Variants in VEPH1 observed in about 807,000 individuals in gnomAD.
VEPH1 encodes ventricular zone expressed PH domain containing 1, also known as ventricular zone-expressed PH domain-containing protein homolog 1.
In VEPH1, 80 loss-of-function variants were observed where a neutral mutation model predicts 85.2. The observed-to-expected ratio is 0.94, with a 90% CI of 0.78 to 1.13. The LOEUF is 1.13. Ranked by LOEUF, VEPH1 falls within the 50% of genes most tolerant of loss-of-function variation. VEPH1 has a pLI of 0.00. For missense variants in VEPH1, 955 were observed against 980.5 expected, an observed-to-expected ratio of 0.97 and a Z score of 0.35; for synonymous variants, 297 against 348.0, an observed-to-expected ratio of 0.85 and a Z score of 1.63.
In VEPH1 at chr3:157,417,925, C is replaced by T. The variant is rs151259510; in HGVS notation, c.697-3835G>A. On this transcript the variant is annotated intron_variant, in intron 5 of 13. Transcript: ENST00000362010. Reference sequence around the variant, plus strand: ...ACAGGGAGAGATGTCTCTCAGCCCCCATTCCTTGCCCCATCCCTTCTCTTC... The same window carrying T: ...ACAGGGAGAGATGTCTCTCAGCCCCTATTCCTTGCCCCATCCCTTCTCTTC... Among the ~76,000 whole-genome samples the T allele has an allele frequency of 1.7e-3, 254 of 152,276 alleles. 1 individual carries two copies. Among genetic ancestry groups the T allele is most frequent in the African/African-American group, 5.7e-3 (238 of 41,546 alleles).
At chr3:157,388,589 T>A (rs1055579523) in intron 6 of VEPH1, among the ~76,000 whole-genome samples, 2 of 152,108 alleles carry the variant, frequency 1.3e-5, no homozygotes, top group African/African-American at 4.8e-5. Flanking sequence ...ATATTGCAGG[T>A]GAATATGATG....
intron 9 of VEPH1, among the ~76,000 whole-genome samples, chr3:157,317,711 T>G (rs1720891930): frequency 6.6e-6 from 1 of 152,194 alleles, no homozygotes; most frequent in Admixed American, 6.5e-5. Flanking sequence ...CATCTCGCCT[T>G]GAAGGATTTC....
chr3:157,324,925 A>T (rs1721733809), intron 9 of VEPH1, among the ~76,000 whole-genome samples: 1 of 152,144 alleles, frequency 6.6e-6, no homozygotes, highest in African/African-American at 2.4e-5. Context: ...TGTCTTCCAC[A>T]ATGGGTGAAT....
At chr3:157,343,389 C>G (rs902427434) in intron 9 of VEPH1, among the ~76,000 whole-genome samples, 1 of 152,176 alleles carries the variant, frequency 6.6e-6, no homozygotes, top group African/African-American at 2.4e-5. Flanking sequence ...TCAGAGAATA[C>G]TATAAACACC....
chr3:157,332,081 C>T (rs926112926), intron 9 of VEPH1, among the ~76,000 whole-genome samples: 7 of 152,188 alleles, frequency 4.6e-5, no homozygotes, highest in Admixed American at 1.3e-4. Context: ...ATGGTGCTTG[C>T]GGCTACTGCT....
chr3:157,368,111 T>G (rs1235724539), intron 7 of VEPH1, among the ~76,000 whole-genome samples: 2 of 152,214 alleles, frequency 1.3e-5, no homozygotes, highest in Non-Finnish European at 2.9e-5. Flanking sequence ...CTCACGGGGT[T>G]GGTAGAATGA....
intron 6 of VEPH1, among the ~76,000 whole-genome samples, chr3:157,396,885 G>A (rs1464434560): frequency 6.6e-6 from 1 of 152,056 alleles, no homozygotes. Flanking sequence ...CTCCCATTCT[G>A]TAGATTATCT....
chr3:157,439,202 A>G (rs761342593), intron 4 of VEPH1, among the ~76,000 whole-genome samples: 1 of 152,212 alleles, frequency 6.6e-6, no homozygotes, highest in Non-Finnish European at 1.5e-5. Context: ...TGTTTCGCAA[A>G]CCACGTAAAG....
At chr3:157,482,969 T>C (rs555214112) in intron 2 of VEPH1, among the ~76,000 whole-genome samples, 5 of 152,308 alleles carry the variant, frequency 3.3e-5, no homozygotes, top group East Asian at 1.9e-4. Context: ...AACATTTTCA[T>C]GTGTGGTTGA....
intron 2 of VEPH1, among the ~76,000 whole-genome samples, chr3:157,478,636 A>G (rs571000010): frequency 6.0e-4 from 92 of 152,236 alleles, no homozygotes; most frequent in Admixed American, 5.1e-3. Flanking sequence ...GAATTTTGAA[A>G]GGGGCCTTTC....
chr3:157,367,922 A>G (rs998475834), intron 7 of VEPH1, among the ~76,000 whole-genome samples: 3 of 152,218 alleles, frequency 2.0e-5, no homozygotes, highest in Non-Finnish European at 4.4e-5. Flanking sequence ...TACAATAATC[A>G]CATTTTCTTC....
intron 10 of VEPH1, among the ~76,000 whole-genome samples, chr3:157,314,128 C>T (rs1198032185): frequency 6.6e-6 from 1 of 151,526 alleles, no homozygotes. Context: ...GTCAGGAGAT[C>T]GAGGCCATCC....
At chr3:157,398,743 C>T (rs998034445) in intron 6 of VEPH1, among the ~76,000 whole-genome samples, 3 of 152,212 alleles carry the variant, frequency 2.0e-5, no homozygotes, top group East Asian at 1.9e-4. Context: ...CAAAGGCTCC[C>T]GACAGCATCC....
At chr3:157,444,464 G>A (rs921874436) in intron 4 of VEPH1, among the ~76,000 whole-genome samples, 1 of 152,130 alleles carries the variant, frequency 6.6e-6, no homozygotes. Context: ...ACCCACAAAC[G>A]AGGCTAAGCC....
At chr3:157,278,854 T>C (rs1715723510) in intron 12 of VEPH1, among the ~76,000 whole-genome samples, 1 of 151,932 alleles carries the variant, frequency 6.6e-6, no homozygotes, top group Non-Finnish European at 1.5e-5. Context: ...AGAGTAAGTG[T>C]TTGGGGGAAG....
intron 6 of VEPH1, 28 bp from the exon 7 acceptor site, chr3:157,381,404 T>G: frequency 6.2e-7 from 1 of 1,610,426 alleles, no homozygotes; most frequent in Non-Finnish European, 8.5e-7. Flanking sequence ...GAAAATAGGT[T>G]TATCTTTTAG....
At chr3:157,433,256 C>G (rs1205713609) in intron 4 of VEPH1, among the ~76,000 whole-genome samples, 2 of 152,132 alleles carry the variant, frequency 1.3e-5, no homozygotes, top group African/African-American at 4.8e-5. Context: ...TTCCAATACA[C>G]ACTTTGATGA....
Position 157,499,269 on chromosome 3 carries a change from T to G in VEPH1, c.-157-3763A>C, listed in dbSNP as rs75654875. 34 of 93,454 alleles carry G rather than the reference T, an allele frequency of 3.6e-4. No individual in the cohort carries two copies. In the Admixed American group the frequency reaches 3.6e-3, roughly 10 times the overall value. 5.8% of individuals were successfully genotyped at this position (93,454 alleles called of 1,614,324 possible). On this transcript the variant is annotated intron_variant, in intron 1 of 13. Transcript: ENST00000362010. The stretch of plus-strand genomic sequence containing the variant: ...ATTATTTAGTTTTTTTTTTTTTTTT[T>G]GGCAGGTATTTGCTGGCGAATCAGC...
chr3:157,367,753 C>A (rs1443848175), intron 7 of VEPH1, among the ~76,000 whole-genome samples: 1 of 152,196 alleles, frequency 6.6e-6, no homozygotes, highest in Non-Finnish European at 1.5e-5. Flanking sequence ...CCTAGCAGTT[C>A]TCCTATCTCA....
Sources: gnomAD v4.1 joint callset for allele counts (sites outside exome capture counted in the v4.1 genomes callset) on GRCh38, gnomAD v4.1.1 for gene constraint, MANE v1.5 for transcripts, NCBI Gene and HGNC (gene_info 2026-07-23, HGNC 2026-07-21) for gene names.